Variants in JARID2 observed in about 807,000 individuals in gnomAD.
JARID2 encodes jumonji and AT-rich interaction domain containing 2, also known as protein Jumonji.
In JARID2, 21 loss-of-function variants were observed where a neutral mutation model predicts 125.6. That is an observed-to-expected ratio of 0.17 (90% CI 0.12 to 0.24). The LOEUF is 0.24. Ranked by LOEUF, JARID2 falls within the 10% of genes least tolerant of loss-of-function variation. The pLI, the probability that JARID2 is intolerant of heterozygous loss-of-function variation, is 1.00. For missense variants in JARID2, 1,303 were observed against 1,639.6 expected, an observed-to-expected ratio of 0.79 and a Z score of 3.55; for synonymous variants, 736 against 661.6, an observed-to-expected ratio of 1.11 and a Z score of -1.73.
At chr6:15,320,850 C>CTGTGTGTGTGTGTGTGTG (rs71535033) in intron 1 of JARID2, among the ~76,000 whole-genome samples, 8 of 135,020 alleles carry the variant, frequency 5.9e-5, no homozygotes, top group African/African-American at 2.3e-4. Context: ...CTCTCTCTCT[C>CTGTGTGTGTGTGTGTGTG]TCTGTGTGTG....
At chr6:15,261,761 A>G (rs1013210081) in intron 1 of JARID2, among the ~76,000 whole-genome samples, 4 of 150,952 alleles carry the variant, frequency 2.6e-5, no homozygotes, top group Non-Finnish European at 4.4e-5. Flanking sequence ...TGTATATTGT[A>G]TACCTTATAT....
intron 3 of JARID2, among the ~76,000 whole-genome samples, chr6:15,424,718 G>T (rs1766648015): frequency 6.6e-6 from 1 of 152,174 alleles, no homozygotes; most frequent in Non-Finnish European, 1.5e-5. Flanking sequence ...AATTAGCTTG[G>T]TGTGGTGGCG....
intron 1 of JARID2, among the ~76,000 whole-genome samples, chr6:15,249,444 C>T (rs1280375682): frequency 6.6e-6 from 1 of 152,202 alleles, no homozygotes; most frequent in East Asian, 1.9e-4. Context: ...GAGCACAGGA[C>T]TCCTTTAAGT....
intron 2 of JARID2, among the ~76,000 whole-genome samples, chr6:15,408,817 T>G (rs1253115188): frequency 1.3e-5 from 2 of 152,230 alleles, no homozygotes; most frequent in African/African-American, 2.4e-5. Flanking sequence ...TCTGAAACAC[T>G]GGCCACGCTT....
At chr6:15,482,784 T>TA (rs1265756061) in intron 5 of JARID2, among the ~76,000 whole-genome samples, 1 of 152,262 alleles carries the variant, frequency 6.6e-6, no homozygotes, top group Non-Finnish European at 1.5e-5. Context: ...CCTGTACCTG[T>TA]ATCAGTGAAC....
intron 2 of JARID2, among the ~76,000 whole-genome samples, chr6:15,384,734 C>A (rs1764718774): frequency 6.6e-6 from 1 of 152,110 alleles, no homozygotes; most frequent in Non-Finnish European, 1.5e-5. Context: ...GCTGGGACTT[C>A]AGGCATGTGC....
chr6:15,369,956 G>T (rs1046363430), intron 1 of JARID2, among the ~76,000 whole-genome samples: 7 of 152,306 alleles, frequency 4.6e-5, no homozygotes, highest in African/African-American at 1.4e-4. Flanking sequence ...CCTCTGCTGA[G>T]AATCAGAGGT....
intron 4 of JARID2, among the ~76,000 whole-genome samples, chr6:15,459,139 T>C (rs1404815169): frequency 6.6e-6 from 1 of 152,174 alleles, no homozygotes; most frequent in Non-Finnish European, 1.5e-5. Context: ...CTATAGCACA[T>C]AGTTGTTGCA....
chr6:15,377,503 T>C (rs1764400815), intron 2 of JARID2, among the ~76,000 whole-genome samples: 1 of 152,122 alleles, frequency 6.6e-6, no homozygotes, highest in Non-Finnish European at 1.5e-5. Flanking sequence ...TGTGAGCCTG[T>C]CACCCAGGCT....
intron 4 of JARID2, among the ~76,000 whole-genome samples, chr6:15,463,204 C>G (rs1409580403): frequency 6.6e-6 from 1 of 152,040 alleles, no homozygotes; most frequent in African/African-American, 2.4e-5. Flanking sequence ...CCCCTGCTCC[C>G]CCTGAAAAAA....
At chr6:15,520,008 C>T in intron 17 of JARID2, 61 bp from the exon 18 acceptor site, 1 of 1,456,964 alleles carries the variant, frequency 6.9e-7, no homozygotes, top group Non-Finnish European at 9.3e-7. Flanking sequence ...GCATGGCTCT[C>T]AGGGACAGAG....
chr6:15,490,148 C>G (rs926826861), intron 6 of JARID2, among the ~76,000 whole-genome samples: 2 of 152,158 alleles, frequency 1.3e-5, no homozygotes, highest in Non-Finnish European at 2.9e-5. Flanking sequence ...TGTAGATTCC[C>G]TTGTGACTGC....
intron 1 of JARID2, among the ~76,000 whole-genome samples, chr6:15,317,267 A>G (rs1187609730): frequency 1.3e-5 from 2 of 152,196 alleles, no homozygotes; most frequent in Non-Finnish European, 1.5e-5. Flanking sequence ...AACACAACAG[A>G]CAATATTAAC....
At chr6:15,386,570 A>T (rs1055111474) in intron 2 of JARID2, among the ~76,000 whole-genome samples, 1 of 152,226 alleles carries the variant, frequency 6.6e-6, no homozygotes, top group African/African-American at 2.4e-5. Flanking sequence ...ATCTGGCCTC[A>T]GGTGATCCCC....
chr6:15,454,730 C>T (rs536182071), intron 4 of JARID2, among the ~76,000 whole-genome samples: 2 of 152,076 alleles, frequency 1.3e-5, no homozygotes, highest in East Asian at 3.9e-4. Flanking sequence ...ATTCTCATGC[C>T]ATCTTGGCCT....
intron 9 of JARID2, 127 bp downstream of exon 9, chr6:15,504,719 C>A (rs1226556121): frequency 1.5e-6 from 1 of 659,846 alleles, no homozygotes; most frequent in Admixed American, 2.4e-5. Context: ...GGGCTGAGTT[C>A]GTCCTCTGTG....
intron 1 of JARID2, among the ~76,000 whole-genome samples, chr6:15,326,571 C>G (rs9396582): frequency 0.48 from 72,224 of 151,970 alleles, 18,576 homozygotes; most frequent in Non-Finnish European, 0.58. Flanking sequence ...GCTCGATCTT[C>G]GCTCACTGCG....
intron 5 of JARID2, among the ~76,000 whole-genome samples, chr6:15,475,278 A>G (rs1214944855): frequency 6.6e-6 from 1 of 152,260 alleles, no homozygotes. Context: ...TAAAAAGGCA[A>G]TCAGGCACCA....
intron 5 of JARID2, 118 bp from the exon 6 acceptor site, chr6:15,487,189 A>G (rs1227989187): frequency 5.0e-6 from 4 of 800,134 alleles, no homozygotes; most frequent in Non-Finnish European, 8.2e-6. Context: ...TCGCTAACAC[A>G]TGGGGATTAC....
Sources: allele counts gnomAD v4.1 joint callset (sites outside exome capture counted in the v4.1 genomes callset), GRCh38; gene constraint gnomAD v4.1.1; transcripts MANE v1.5; gene names NCBI Gene and HGNC (gene_info 2026-07-23, HGNC 2026-07-21).